KLHL20: variants seen among roughly 807,000 people sequenced by gnomAD.
KLHL20 encodes kelch-like protein 20.
Under a neutral mutation model 69.5 loss-of-function variants are expected in KLHL20, and 29 were observed. That is an observed-to-expected ratio of 0.42 (90% CI 0.31 to 0.57). The LOEUF (loss-of-function observed/expected upper bound fraction) is 0.57, where lower values mean the gene tolerates loss of function less well. KLHL20 is among the 20% of genes least tolerant of loss of function. The pLI, the probability that KLHL20 is intolerant of heterozygous loss-of-function variation, is 0.18. For missense variants in KLHL20, 419 were observed against 776.0 expected, an observed-to-expected ratio of 0.54 and a Z score of 5.47; for synonymous variants, 253 against 265.2, an observed-to-expected ratio of 0.95 and a Z score of 0.45.
At chr1:173,752,293 T>C (rs1338643676) in intron 4 of KLHL20, among the ~76,000 whole-genome samples, 1 of 151,000 alleles carries the variant, frequency 6.6e-6, no homozygotes, top group East Asian at 1.9e-4. Context: ...CTTGCAAACA[T>C]AAAACAGTTA....
intron 5 of KLHL20, among the ~76,000 whole-genome samples, chr1:173,754,643 G>A (rs1241418767): frequency 6.7e-6 from 1 of 149,728 alleles, no homozygotes; most frequent in African/African-American, 2.5e-5. Flanking sequence ...AATATTTGCA[G>A]TAGCAAAAAG....
intron 2 of KLHL20, among the ~76,000 whole-genome samples, chr1:173,727,618 T>G (rs1672041154): frequency 6.6e-6 from 1 of 152,068 alleles, no homozygotes; most frequent in African/African-American, 2.4e-5. Context: ...AGAAAAGAAT[T>G]TTCAACCCAG....
At chr1:173,751,589 A>G (rs534130059) in intron 3 of KLHL20, among the ~76,000 whole-genome samples, 175 bp from the exon 4 acceptor site, 22 of 152,196 alleles carry the variant, frequency 1.4e-4, no homozygotes, top group East Asian at 7.7e-4. Flanking sequence ...CTAAATTTTA[A>G]TGGTGTCTTC....
chr1:173,778,410 C>T (rs1241946394), intron 10 of KLHL20, among the ~76,000 whole-genome samples: 2 of 152,082 alleles, frequency 1.3e-5, no homozygotes, highest in Non-Finnish European at 2.9e-5. Context: ...CTCATTGCAT[C>T]CTCCACCTCC....
chr1:173,737,915 C>T lies in KLHL20; in HGVS notation c.597+3629C>T, dbSNP rs191550277. Among the ~76,000 whole-genome samples, 8 of 150,472 alleles carry T rather than the reference C, an allele frequency of 5.3e-5. No homozygotes were observed. The East Asian group carries it at 5.8e-4, about 11-fold the overall frequency. On this transcript the variant is annotated intron_variant, in intron 3 of 11. Coordinates refer to ENST00000209884, the MANE Select transcript of KLHL20 (RefSeq NM_014458.4). ...GCAGTGTTTTGGTAGAGACCTTTCA[C>T]TTCTGTAGTGAGATATATTCCTAAG...
intron 2 of KLHL20, among the ~76,000 whole-genome samples, chr1:173,727,151 T>C (rs1349433859): frequency 1.3e-5 from 2 of 150,936 alleles, no homozygotes; most frequent in Non-Finnish European, 2.9e-5. Flanking sequence ...GTATCAGTGA[T>C]GGAAGATCAA....
At chr1:173,728,104 C>CT (rs914371862) in intron 2 of KLHL20, among the ~76,000 whole-genome samples, 4 of 152,144 alleles carry the variant, frequency 2.6e-5, no homozygotes, top group African/African-American at 9.7e-5. Flanking sequence ...ATCCTAGTCT[C>CT]TGATAAAACA....
At chr1:173,725,280 G>A (rs961317869) in intron 2 of KLHL20, among the ~76,000 whole-genome samples, 4 of 152,140 alleles carry the variant, frequency 2.6e-5, no homozygotes, top group Non-Finnish European at 4.4e-5. Context: ...CAGGAGATGC[G>A]TGGTTTACCC....
intron 2 of KLHL20, among the ~76,000 whole-genome samples, chr1:173,723,775 A>G (rs1296412158): frequency 6.6e-6 from 1 of 152,194 alleles, no homozygotes; most frequent in Non-Finnish European, 1.5e-5. Context: ...ATTTTCCATC[A>G]GAGGACTGCT....
At chr1:173,769,304 C>A (rs1647934648) in intron 8 of KLHL20, among the ~76,000 whole-genome samples, 1 of 152,040 alleles carries the variant, frequency 6.6e-6, no homozygotes, top group Non-Finnish European at 1.5e-5. Flanking sequence ...TAAAATAACA[C>A]CTGGTTGGGA....
intron 7 of KLHL20, among the ~76,000 whole-genome samples, chr1:173,760,400 T>C (rs539198416): frequency 9.9e-5 from 15 of 152,116 alleles, no homozygotes; most frequent in Admixed American, 8.5e-4. Flanking sequence ...AAAAGATCTT[T>C]CCCTAGGCAC....
rs547665623 is a variant in KLHL20, at chr1:173,720,969, T to A, written c.23+4903T>A. 6.9e-4 allele frequency among the ~76,000 whole-genome samples: 102 copies of A among 147,256 alleles called. 1 individual carries two copies. The highest frequency in any genetic ancestry group is 4.1e-3 in the East Asian group (21 of 5,068). On this transcript the variant is annotated intron_variant, in intron 2 of 11. Coordinates refer to ENST00000209884, the MANE Select transcript of KLHL20 (RefSeq NM_014458.4). ...AGAAGAGAGATTTGGGCTAGAAATT[T>A]AAAAAAAAAAATGTGAGTCATCAAT...
In KLHL20 at chr1:173,782,249, A is replaced by G. The variant is rs748354735; in HGVS notation, c.1745+19A>G. ...CATGGAGGTAACTTTTAAGCTGTGT[A>G]GCAAATCACCTCACTACTGATTTGG... is the stretch of plus-strand genomic sequence containing the variant. On this transcript the variant is annotated intron_variant, in intron 11 of 11. Coordinates refer to ENST00000209884, the MANE Select transcript of KLHL20 (RefSeq NM_014458.4). 5 of 1,552,598 alleles carry G rather than the reference A, an allele frequency of 3.2e-6. No individual in the cohort carries two copies. Among genetic ancestry groups the G allele is most frequent in the Admixed American group, 1.7e-5 (1 of 59,902 alleles).
Position 173,733,722 on chromosome 1 carries a change from C to T in KLHL20, c.33C>T (p.Asn11=), listed in dbSNP as rs761909154. Reference sequence around the variant, plus strand: ...CCCATCATTCCTATAGGTGTACCAACATTCGACCAGGAGAGACTGGAATGG... The same window carrying T: ...CCCATCATTCCTATAGGTGTACCAATATTCGACCAGGAGAGACTGGAATGG... MEGKPMRRCT[N]IRPGETGMDV... is the part of the protein sequence containing the mutation. The change falls in exon 3 of 12, where the codon AAC becomes AAT. Residue 11 remains asparagine (N), a synonymous_variant. Coordinates refer to ENST00000209884, the MANE Select transcript of KLHL20 (RefSeq NM_014458.4). 12 of 1,611,994 alleles carry T rather than the reference C, an allele frequency of 7.4e-6. No homozygotes were observed. Among genetic ancestry groups the T allele is most frequent in the African/African-American group, 1.3e-5 (1 of 74,976 alleles).
In KLHL20 at chr1:173,718,478, G is replaced by A. The variant is rs1042794559; in HGVS notation, c.23+2412G>A. Among the ~76,000 whole-genome samples the A allele has an allele frequency of 6.6e-5, 10 of 151,406 alleles. 1 individual carries two copies. Among genetic ancestry groups the A allele is most frequent in the Non-Finnish European group, 2.9e-5 (2 of 67,920 alleles). On this transcript the variant is annotated intron_variant, in intron 2 of 11. Coordinates refer to ENST00000209884, the MANE Select transcript of KLHL20 (RefSeq NM_014458.4). Reference sequence around the variant, plus strand: ...GAGGATCACTTGAGTCTGGGAGGCAGAGATTGCAGTTAAGCCGTGATCATA... The same window carrying A: ...GAGGATCACTTGAGTCTGGGAGGCAAAGATTGCAGTTAAGCCGTGATCATA...
Position 173,755,127 on chromosome 1 carries a change from C to T in KLHL20, c.852-796C>T, listed in dbSNP as rs531130787. 4.7e-5 allele frequency among the ~76,000 whole-genome samples: 7 copies of T among 147,808 alleles called. No individual in the cohort carries two copies. The East Asian group carries it at 1.2e-3, about 25-fold the overall frequency. On this transcript the variant is annotated intron_variant, in intron 5 of 11. Transcript: ENST00000209884. Reference sequence around the variant, plus strand: ...AGGCTGGAGTGCAGTGGTGCAATCTCGACTCACTGCAACCTCTGCCTCCCA... The same window carrying T: ...AGGCTGGAGTGCAGTGGTGCAATCTTGACTCACTGCAACCTCTGCCTCCCA...
At chr1:173,767,457 C>A (rs938700772) in intron 8 of KLHL20, among the ~76,000 whole-genome samples, 1 of 152,122 alleles carries the variant, frequency 6.6e-6, no homozygotes, top group Non-Finnish European at 1.5e-5. Flanking sequence ...TTTCGAGGAA[C>A]CTCCATACTG....
At chr1:173,761,723 G>A (rs780857784) in intron 7 of KLHL20, among the ~76,000 whole-genome samples, 3 of 152,126 alleles carry the variant, frequency 2.0e-5, no homozygotes, top group African/African-American at 7.2e-5. Flanking sequence ...AAACCTCTGG[G>A]ATACACAGCA....
chr1:173,750,451 A>G (rs1303976598), intron 3 of KLHL20, among the ~76,000 whole-genome samples: 1 of 151,058 alleles, frequency 6.6e-6, no homozygotes, highest in Non-Finnish European at 1.5e-5. Context: ...AAGGGACTAC[A>G]GGCACGCACC....
Sources: allele counts gnomAD v4.1 joint callset (sites outside exome capture counted in the v4.1 genomes callset), GRCh38; gene constraint gnomAD v4.1.1; transcripts MANE v1.5; gene names NCBI Gene and HGNC (gene_info 2026-07-23, HGNC 2026-07-21).